TXNRD1: variants seen among roughly 807,000 people sequenced by gnomAD.
TXNRD1 encodes the protein thioredoxin reductase 1.
A neutral mutation model predicts 80.3 loss-of-function variants in TXNRD1; 57 were observed. The observed-to-expected ratio is 0.71, with a 90% CI of 0.57 to 0.89. TXNRD1 has a LOEUF of 0.89. Among genes scored for constraint, TXNRD1 ranks in the 40% least tolerant of loss-of-function variants. The pLI is 0.00. For synonymous variants in TXNRD1, 291 were observed against 285.2 expected (o/e 1.02, Z -0.20); for missense variants, 730 against 803.0 (o/e 0.91, Z 1.10).
intron 4 of TXNRD1, among the ~76,000 whole-genome samples, chr12:104,303,471 C>A (rs2034725779): frequency 6.6e-6 from 1 of 152,182 alleles, no homozygotes. Flanking sequence ...GACCTTTAGT[C>A]TCCTCAATAG....
At chr12:104,246,526 GT>G (rs66611871) in intron 1 of TXNRD1, among the ~76,000 whole-genome samples, 48,661 of 132,788 alleles carry the variant, frequency 0.37, 8,458 homozygotes, top group Non-Finnish European at 0.46. Context: ...CTTTGTGATG[GT>G]TTTTTTTTTT....
At chr12:104,345,137 A>G (rs1414187090) in intron 16 of TXNRD1, among the ~76,000 whole-genome samples, 1 of 152,264 alleles carries the variant, frequency 6.6e-6, no homozygotes, top group Non-Finnish European at 1.5e-5. Context: ...CAATAATTTG[A>G]CAGTGACTGA....
intron 9 of TXNRD1, 38 bp from the exon 10 acceptor site, chr12:104,321,053 T>G (rs772458734): frequency 1.4e-6 from 2 of 1,429,812 alleles, no homozygotes; most frequent in African/African-American, 2.9e-5. Context: ...AGGAACTTTC[T>G]TTTTCTTCTT....
intron 3 of TXNRD1, 69 bp from the exon 4 acceptor site, chr12:104,288,862 G>A (rs1223459678): frequency 2.5e-6 from 4 of 1,612,886 alleles, no homozygotes; most frequent in East Asian, 4.5e-5. Context: ...CCCCGCCCCC[G>A]GCGCAGTTCC....
chr12:104,294,908 G>A (rs956646929), intron 4 of TXNRD1, among the ~76,000 whole-genome samples: 6 of 152,210 alleles, frequency 3.9e-5, no homozygotes, highest in African/African-American at 1.4e-4. Context: ...GAGGCTACCA[G>A]AACTTGACAG....
At chr12:104,229,755 G>T (rs951181040) in intron 1 of TXNRD1, among the ~76,000 whole-genome samples, 2 of 151,746 alleles carry the variant, frequency 1.3e-5, no homozygotes, top group Non-Finnish European at 2.9e-5. Context: ...ACCACGCCTG[G>T]CTAATTTTTG....
intron 16 of TXNRD1, among the ~76,000 whole-genome samples, chr12:104,344,074 G>A (rs527914017): frequency 6.6e-6 from 1 of 152,272 alleles, no homozygotes; most frequent in East Asian, 1.9e-4. Flanking sequence ...CTGCACTCCA[G>A]CCTGGAGCGA....
At chr12:104,291,473 C>G (rs959331431) in intron 4 of TXNRD1, among the ~76,000 whole-genome samples, 16 of 143,660 alleles carry the variant, frequency 1.1e-4, no homozygotes, top group African/African-American at 4.2e-4. Flanking sequence ...TGACCCACCG[C>G]ACCCAGCTTT....
chr12:104,327,146 T>C (rs1334204930), intron 12 of TXNRD1, among the ~76,000 whole-genome samples: 1 of 152,202 alleles, frequency 6.6e-6, no homozygotes, highest in Non-Finnish European at 1.5e-5. Flanking sequence ...AGTTGAGCTC[T>C]TCAACTATGA....
At chr12:104,312,778 A>G (rs1480647360) in intron 5 of TXNRD1, among the ~76,000 whole-genome samples, 1 of 152,360 alleles carries the variant, frequency 6.6e-6, no homozygotes, top group Non-Finnish European at 1.5e-5. Context: ...AAACTTCTTC[A>G]GTATTCTGCC....
intron 2 of TXNRD1, 60 bp from the exon 3 acceptor site, chr12:104,257,959 T>G (rs1190315567): frequency 5.5e-6 from 7 of 1,280,050 alleles, no homozygotes; most frequent in Non-Finnish European, 7.6e-6. Context: ...GGATAAGAGA[T>G]TCTCTTGTTG....
chr12:104,304,461 A>G lies in TXNRD1; in HGVS notation c.415-6829A>G, dbSNP rs371562364. On this transcript the variant is annotated intron_variant, in intron 4 of 16. Transcript: ENST00000525566. ...TTCCATTTTGTTTTTGGTTCATTCAAGCTAGAACGTTCTGCACCAAAGCCC... is the reference window on the plus strand; with the variant it reads ...TTCCATTTTGTTTTTGGTTCATTCAGGCTAGAACGTTCTGCACCAAAGCCC... 9.9e-6 allele frequency: 16 copies of G among 1,613,920 alleles called. No individual in the cohort carries two copies. The African/African-American group carries it at 1.2e-4, about 12-fold the overall frequency.
intron 1 of TXNRD1, among the ~76,000 whole-genome samples, chr12:104,242,320 C>T (rs898504346): frequency 5.3e-5 from 8 of 150,240 alleles, no homozygotes; most frequent in East Asian, 4.2e-4. Context: ...GAGGCCAAGG[C>T]GGGTGGATCA....
At chr12:104,329,407 T>A (rs567396049) in intron 13 of TXNRD1, among the ~76,000 whole-genome samples, 1 of 152,024 alleles carries the variant, frequency 6.6e-6, no homozygotes, top group African/African-American at 2.4e-5. Flanking sequence ...CCCAGCACAT[T>A]GGGAGGCTGA....
At chr12:104,240,683 A>G (rs2032837748) in intron 1 of TXNRD1, among the ~76,000 whole-genome samples, 1 of 152,112 alleles carries the variant, frequency 6.6e-6, no homozygotes, top group South Asian at 2.1e-4. Context: ...AGGTTTTACA[A>G]TCAGAAAAAG....
At chr12:104,303,198 C>T (rs919512185) in intron 4 of TXNRD1, among the ~76,000 whole-genome samples, 4 of 152,192 alleles carry the variant, frequency 2.6e-5, no homozygotes, top group African/African-American at 9.7e-5. Flanking sequence ...CCCGATCCCA[C>T]AGATACTCAG....
At chr12:104,291,762 G>C (rs1002414038) in intron 4 of TXNRD1, among the ~76,000 whole-genome samples, 2 of 152,174 alleles carry the variant, frequency 1.3e-5, no homozygotes, top group African/African-American at 4.8e-5. Context: ...GATTATGGGC[G>C]TGAGCCACCG....
At chr12:104,251,718 G>T (rs752504216) in intron 2 of TXNRD1, 40 bp downstream of exon 2, 53 of 1,595,504 alleles carry the variant, frequency 3.3e-5, no homozygotes, top group Non-Finnish European at 4.4e-5. Flanking sequence ...GGAATTGAAG[G>T]AATTTGACAG....
At chr12:104,331,934 A>G in intron 14 of TXNRD1, among the ~76,000 whole-genome samples, 1 of 152,086 alleles carries the variant, frequency 6.6e-6, no homozygotes, top group East Asian at 1.9e-4. Flanking sequence ...ATATAGCCGT[A>G]GTGTAGTTAC....
Sources: allele counts gnomAD v4.1 joint callset (sites outside exome capture counted in the v4.1 genomes callset), GRCh38; gene constraint gnomAD v4.1.1; transcripts MANE v1.5; gene names NCBI Gene and HGNC (gene_info 2026-07-23, HGNC 2026-07-21).